C7orf33: variants seen among roughly 807,000 people sequenced by gnomAD.
C7orf33 encodes chromosome 7 open reading frame 33.
Under a neutral mutation model 13.4 loss-of-function variants are expected in C7orf33, and 15 were observed. That is an observed-to-expected ratio of 1.12 (90% CI 0.75 to 1.72). The LOEUF (loss-of-function observed/expected upper bound fraction) is 1.72, where lower values mean the gene tolerates loss of function less well. Among genes scored for constraint, C7orf33 ranks in the 40% most tolerant of loss-of-function variants. The probability of loss-of-function intolerance (pLI) is 0.00; values close to 1 mark genes in which losing one functional copy is unlikely to be tolerated. For missense variants in C7orf33, 187 were observed against 220.3 expected, an observed-to-expected ratio of 0.85 and a Z score of 0.96; for synonymous variants, 73 against 83.2, an observed-to-expected ratio of 0.88 and a Z score of 0.67.
At chr7:148,597,769 GTT>G (rs974998474) in intron 1 of C7orf33, among the ~76,000 whole-genome samples, 28 of 151,260 alleles carry the variant, frequency 1.9e-4, no homozygotes, top group African/African-American at 6.4e-4. Context: ...GTTTTGTTTT[GTT>G]TTGAGACGGA....
In C7orf33 at chr7:148,609,832, GGAA is replaced by G. The variant is rs1796514990; in HGVS notation, c.205-4205_205-4203del. Among the ~76,000 whole-genome samples the G allele has an allele frequency of 4.6e-5, 7 of 152,324 alleles. No individual in the cohort carries two copies. In the South Asian group the frequency reaches 1.5e-3, roughly 32 times the overall value. On this transcript the variant is annotated intron_variant, in intron 1 of 2. Coordinates refer to ENST00000307003, the MANE Select transcript of C7orf33 (RefSeq NM_145304.4). ...TGGAAAAAGTCAGGCCTCTGTTACAGGAAGAAGGAGAAATGCTGAGTGGGCTAC... is the reference window on the plus strand; with the variant it reads ...TGGAAAAAGTCAGGCCTCTGTTACAGGAAGGAGAAATGCTGAGTGGGCTAC...
intron 1 of C7orf33, among the ~76,000 whole-genome samples, chr7:148,599,470 T>C (rs1472404088): frequency 5.5e-5 from 4 of 72,118 alleles, no homozygotes; most frequent in African/African-American, 2.2e-4. Flanking sequence ...AATTCTCAGA[T>C]TTTTTTTTTT....
rs966319017 is a variant in C7orf33, at chr7:148,593,841, G to C, written c.204+2712G>C. Among the ~76,000 whole-genome samples, 5 of 152,030 alleles carry C rather than the reference G, an allele frequency of 3.3e-5. 1 individual carries two copies. Among genetic ancestry groups the C allele is most frequent in the Non-Finnish European group, 7.4e-5 (5 of 68,002 alleles). On this transcript the variant is annotated intron_variant, in intron 1 of 2. Transcript: ENST00000307003. ...AGTGACATGGTTGAATATTTGCCCG[G>C]CTAAGTGTCATGCTGGAATGTGATC...
intron 1 of C7orf33, among the ~76,000 whole-genome samples, chr7:148,610,156 A>C (rs1796520420): frequency 1.3e-5 from 2 of 152,208 alleles, no homozygotes; most frequent in African/African-American, 4.8e-5. Flanking sequence ...CTTTGTGGGA[A>C]GTTTGATCCA....
rs554753406 is a variant in C7orf33, at chr7:148,600,049, C to T, written c.204+8920C>T. 7.5e-4 allele frequency among the ~76,000 whole-genome samples: 114 copies of T among 152,314 alleles called. 1 individual carries two copies. Among genetic ancestry groups the T allele is most frequent in the African/African-American group, 2.5e-3 (106 of 41,576 alleles). On this transcript the variant is annotated intron_variant, in intron 1 of 2. Transcript: ENST00000307003. Reference sequence around the variant, plus strand: ...GAACTTAGAGCTGCTTAGAGGATTTCACAGCCCATGCCCCGCAGTTTTGTG... The same window carrying T: ...GAACTTAGAGCTGCTTAGAGGATTTTACAGCCCATGCCCCGCAGTTTTGTG...
At chr7:148,595,551 TA>T (rs1202770115) in intron 1 of C7orf33, among the ~76,000 whole-genome samples, 1 of 131,644 alleles carries the variant, frequency 7.6e-6, no homozygotes, top group East Asian at 2.1e-4. Context: ...GTATTATATA[TA>T]ACATATAGCT....
chr7:148,614,304 C>T lies in C7orf33; in HGVS notation c.459+8C>T, dbSNP rs113864617. The T allele has an allele frequency of 9.3e-5, 150 of 1,612,944 alleles. 1 individual carries two copies. In the African/African-American group the frequency reaches 1.5e-3, roughly 16 times the overall value. ...ACAAGTTCATACCTAAACGTAAGCT[C>T]CGAAGTGTCTTAGCACCTCCAAGTT... On this transcript the variant is annotated splice_region_variant and intron_variant, in intron 2 of 2. Transcript: ENST00000307003.
At chr7:148,605,420 A>G (rs35197708) in intron 1 of C7orf33, among the ~76,000 whole-genome samples, 33,259 of 152,112 alleles carry the variant, frequency 0.22, 3,913 homozygotes, top group South Asian at 0.39. Flanking sequence ...CTGGACCCAG[A>G]TTGGCCTTTG....
intron 1 of C7orf33, among the ~76,000 whole-genome samples, chr7:148,606,621 C>T (rs1796475620): frequency 1.3e-5 from 2 of 152,166 alleles, no homozygotes; most frequent in South Asian, 4.1e-4. Context: ...CTCTGTTGCC[C>T]AGGCTGGAGT....
chr7:148,609,335 A>G (rs1045942390), intron 1 of C7orf33, among the ~76,000 whole-genome samples: 9 of 152,250 alleles, frequency 5.9e-5, no homozygotes, highest in African/African-American at 2.2e-4. Context: ...TTTGGCTCTT[A>G]TATCAGCAGA....
chr7:148,606,931 A>ATACACACACACAC lies in C7orf33; in HGVS notation c.205-7111_205-7110insTACACACACACAC, dbSNP rs1554449216. ...TGGAATAGACCCCATTTAAAAAAAA[A>ATACACACACACAC]ATACACACACACACACACACACACA... is the stretch of plus-strand genomic sequence containing the variant. On this transcript the variant is annotated intron_variant, in intron 1 of 2. Transcript: ENST00000307003. 1.1e-3 allele frequency among the ~76,000 whole-genome samples: 23 copies of ATACACACACACAC among 20,194 alleles called. 1 individual carries two copies. The highest frequency in any genetic ancestry group is 7.5e-3 in the Admixed American group (7 of 936). 13.2% of individuals were successfully genotyped at this position (20,194 alleles called of 152,430 possible).
At chr7:148,613,976 A>T in intron 1 of C7orf33, 66 bp from the exon 2 acceptor site, 1 of 1,513,506 alleles carries the variant, frequency 6.6e-7, no homozygotes, top group Non-Finnish European at 9.0e-7. Flanking sequence ...AGAACAAATT[A>T]GTAGCTTACT....
chr7:148,603,518 A>G (rs1796439747), intron 1 of C7orf33, among the ~76,000 whole-genome samples: 1 of 152,178 alleles, frequency 6.6e-6, no homozygotes, highest in Non-Finnish European at 1.5e-5. Context: ...AAAAAAGAGA[A>G]TCAAAAGGAA....
At chr7:148,602,487 C>T (rs114911138) in intron 1 of C7orf33, among the ~76,000 whole-genome samples, 3,585 of 152,120 alleles carry the variant, frequency 0.024, 158 homozygotes, top group African/African-American at 0.081. Flanking sequence ...ATCCCAGCTA[C>T]TCGGGGAGGC....
chr7:148,591,111 T>A lies in C7orf33; in HGVS notation c.186T>A (p.Tyr62Ter), dbSNP rs148939510. 1.1e-4 allele frequency: 177 copies of A among 1,613,588 alleles called. No homozygotes were observed. The African/African-American group carries it at 1.9e-3, about 17-fold the overall frequency. Residue 62 changes from tyrosine to a stop codon, truncating the protein, a stop_gained, in exon 1 of 3, where the codon TAT becomes TAA. Transcript: ENST00000307003. LOFTEE classifies it high-confidence loss of function. The part of the protein sequence containing the change: ...RGGPGQFNLS[Y>*]ATGRHKKPNP... ...GTCCAGGTCAATTTAACTTGTCATATGCCACGGGAAGACATAAGGTAAGTT... is the reference window on the plus strand; with the variant it reads ...GTCCAGGTCAATTTAACTTGTCATAAGCCACGGGAAGACATAAGGTAAGTT...
At chr7:148,613,937 A>G in intron 1 of C7orf33, 105 bp from the exon 2 acceptor site, 1 of 1,182,300 alleles carries the variant, frequency 8.5e-7, no homozygotes, top group Non-Finnish European at 1.2e-6. Context: ...TGTGTCTGAC[A>G]GCTACTTAGT....
intron 1 of C7orf33, among the ~76,000 whole-genome samples, chr7:148,613,607 T>A (rs1006909858): frequency 5.9e-5 from 9 of 152,218 alleles, no homozygotes; most frequent in African/African-American, 2.2e-4. Flanking sequence ...AATGTCCAGA[T>A]TGGCAAATCC....
chr7:148,595,353 A>G (rs13222755), intron 1 of C7orf33, among the ~76,000 whole-genome samples: 1 of 137,818 alleles, frequency 7.3e-6, no homozygotes, highest in African/African-American at 2.7e-5. Flanking sequence ...TATATTATAT[A>G]GATATATCAA....
At chr7:148,599,774 A>G (rs976092153) in intron 1 of C7orf33, among the ~76,000 whole-genome samples, 6 of 152,010 alleles carry the variant, frequency 3.9e-5, no homozygotes, top group African/African-American at 1.4e-4. Flanking sequence ...CGCCCAGCCT[A>G]GAATTCTCAG....
Sources: gnomAD v4.1 joint callset for allele counts (sites outside exome capture counted in the v4.1 genomes callset) on GRCh38, gnomAD v4.1.1 for gene constraint, MANE v1.5 for transcripts, NCBI Gene and HGNC (gene_info 2026-07-23, HGNC 2026-07-21) for gene names.